The following DPH7 variants were observed in gnomAD, a reference collection of about 807,000 sequenced individuals.
The protein encoded by DPH7 is diphthamide biosynthesis 7, also known as diphthine methyltransferase.
A neutral mutation model predicts 41.7 loss-of-function variants in DPH7; 44 were observed. The ratio of observed to expected loss-of-function variants is 1.05; its 90% CI spans 0.83 to 1.36. The LOEUF (loss-of-function observed/expected upper bound fraction) is 1.36, where lower values mean the gene tolerates loss of function less well. Among genes scored for constraint, DPH7 ranks in the 40% most tolerant of loss-of-function variants. The pLI, the probability that DPH7 is intolerant of heterozygous loss-of-function variation, is 0.00. For synonymous variants in DPH7, 275 were observed against 238.0 expected, an observed-to-expected ratio of 1.16 and a Z score of -1.43; for missense variants, 629 against 577.5, an observed-to-expected ratio of 1.09 and a Z score of -0.91.
Position 137,578,670 on chromosome 9 carries a change from G to A in DPH7, c.108C>T (p.Tyr36=). ...GCRHLLACGT[Y]QLRRPEDRPA... is the part of the protein sequence containing the mutation. ...GCCGGTCCTCCGGCCGCCGCAGCTGGTAGGTCCCGCACGCCAGCAGGTGCC... is the reference window on the plus strand; with the variant it reads ...GCCGGTCCTCCGGCCGCCGCAGCTGATAGGTCCCGCACGCCAGCAGGTGCC... The change falls in exon 1 of 9, where the codon TAC becomes TAT. Residue 36 remains tyrosine, a synonymous_variant. Transcript: ENST00000277540. 6.5e-7 allele frequency: 1 copy of A among 1,526,934 alleles called. No homozygotes were observed. Among genetic ancestry groups the A allele is most frequent in the Non-Finnish European group, 8.8e-7 (1 of 1,139,076 alleles). 94.6% of individuals were successfully genotyped at this position (1,526,934 alleles called of 1,614,324 possible).
At chr9:137,576,868 C>T (rs1292960598) in intron 2 of DPH7, among the ~76,000 whole-genome samples, 1 of 149,312 alleles carries the variant, frequency 6.7e-6, no homozygotes, top group Non-Finnish European at 1.5e-5. Context: ...CTAGCCCGGG[C>T]GACAGAGCGA....
Position 137,578,911 on chromosome 9 carries a change from GC to G in DPH7, c.-135del, listed in dbSNP as rs1183321365. On this transcript the variant is annotated 5_prime_UTR_variant, in exon 1 of 9. Transcript: ENST00000277540. ...CCCAGGGACACCGTCAGCGCGGGCCGCCTCTCTCGCGACTCCTTCCGGGGTG... is the reference window on the plus strand; with the variant it reads ...CCCAGGGACACCGTCAGCGCGGGCCGCTCTCTCGCGACTCCTTCCGGGGTG... 2.0e-6 allele frequency: 2 copies of G among 981,818 alleles called. No individual in the cohort carries two copies. Among genetic ancestry groups the G allele is most frequent in the Non-Finnish European group, 2.7e-6 (2 of 752,666 alleles). 60.8% of individuals were successfully genotyped at this position (981,818 alleles called of 1,614,324 possible).
Position 137,555,593 on chromosome 9 carries a change from C to T in DPH7, c.1005G>A (p.Val335=). 6.2e-7 allele frequency: 1 copy of T among 1,613,030 alleles called. No homozygotes were observed. Among genetic ancestry groups the T allele is most frequent in the Non-Finnish European group, 8.5e-7 (1 of 1,179,444 alleles). ...LTSHTLPDSL[V]YGADWSWLLF... is the part of the protein sequence containing the mutation. Reference sequence around the variant, plus strand: ...GCAGCCAGGACCAGTCGGCTCCATACACCAGCGAGTCGGGCAATGTGTGAG... The same window carrying T: ...GCAGCCAGGACCAGTCGGCTCCATATACCAGCGAGTCGGGCAATGTGTGAG... Residue 335 remains valine, a synonymous_variant, in exon 9 of 9, where the codon GTG becomes GTA. Transcript: ENST00000277540.
At chr9:137,562,106 T>C (rs899392372) in intron 8 of DPH7, among the ~76,000 whole-genome samples, 5 of 152,172 alleles carry the variant, frequency 3.3e-5, no homozygotes, top group Non-Finnish European at 5.9e-5. Context: ...CCTTGTGATC[T>C]GCCCACCTCA....
At chr9:137,561,032 A>AG (rs1838472127) in intron 8 of DPH7, among the ~76,000 whole-genome samples, 8 of 150,924 alleles carry the variant, frequency 5.3e-5, no homozygotes, top group Admixed American at 1.3e-4. Context: ...AAAAAAAAAA[A>AG]AAAAAAAAAG....
intron 8 of DPH7, among the ~76,000 whole-genome samples, chr9:137,564,098 G>T (rs1034244000): frequency 6.6e-6 from 1 of 152,158 alleles, no homozygotes; most frequent in Admixed American, 6.5e-5. Flanking sequence ...GAAGAGCATG[G>T]GAGAGCACAG....
chr9:137,572,554 C>T (rs1239868423), intron 5 of DPH7, among the ~76,000 whole-genome samples: 1 of 152,178 alleles, frequency 6.6e-6, no homozygotes, highest in Non-Finnish European at 1.5e-5. Context: ...GAGACAGTGG[C>T]CCGGATGGGT....
rs1290949162 is a variant in DPH7, at chr9:137,577,871, A to G, written c.154-268T>C. 5.0e-6 allele frequency: 4 copies of G among 797,162 alleles called. No homozygotes were observed. In the East Asian group the frequency reaches 3.8e-4, roughly 75 times the overall value. The allele number at this position is 797,162 out of a possible 1,614,324, so 49.4% of individuals were successfully genotyped here. ...AACCACAGAACCCAGTTTGCCTGGG[A>G]CAGTCCTGACTTACGCCTGTTGTTC... On this transcript the variant is annotated intron_variant, in intron 1 of 8. Coordinates refer to ENST00000277540, the MANE Select transcript of DPH7 (RefSeq NM_138778.5).
At chr9:137,563,990 C>T (rs1839092422) in intron 8 of DPH7, among the ~76,000 whole-genome samples, 1 of 152,188 alleles carries the variant, frequency 6.6e-6, no homozygotes, top group African/African-American at 2.4e-5. Context: ...AACAAAACAA[C>T]ACTGGGTTCT....
At chr9:137,557,908 G>A (rs1307676260) in intron 8 of DPH7, among the ~76,000 whole-genome samples, 1 of 152,212 alleles carries the variant, frequency 6.6e-6, no homozygotes, top group African/African-American at 2.4e-5. Flanking sequence ...GCCGAGGCGG[G>A]TTGATCACCT....
intron 8 of DPH7, among the ~76,000 whole-genome samples, chr9:137,563,394 T>C (rs1838959570): frequency 1.3e-5 from 2 of 151,466 alleles, no homozygotes; most frequent in Admixed American, 6.6e-5. Context: ...CAGCCAGGCA[T>C]GGTGGTGGGT....
Position 137,578,688 on chromosome 9 carries a change from C to G in DPH7, c.90G>C (p.Leu30=). 1 of 1,529,434 alleles carries G rather than the reference C, an allele frequency of 6.5e-7. No homozygotes were observed. Among genetic ancestry groups the G allele is most frequent in the South Asian group, 1.2e-5 (1 of 82,234 alleles). 94.7% of individuals were successfully genotyped at this position (1,529,434 alleles called of 1,614,324 possible). The change falls in exon 1 of 9, where the codon CTG becomes CTC. Residue 30 remains leucine, a synonymous_variant. Transcript: ENST00000277540. Reference sequence around the variant, plus strand: ...GCAGCTGGTAGGTCCCGCACGCCAGCAGGTGCCTGCAGCCTTGCAGCGGGC... The same window carrying G: ...GCAGCTGGTAGGTCCCGCACGCCAGGAGGTGCCTGCAGCCTTGCAGCGGGC... The part of the protein sequence containing the change: ...EWCPLQGCRH[L]LACGTYQLRR...
At position 137,556,127 on chromosome 9, in the gene DPH7, T is replaced by C. The variant is rs1564396778; in HGVS notation, c.950-479A>G. Among the ~76,000 whole-genome samples, 2 of 152,120 alleles carry C rather than the reference T, an allele frequency of 1.3e-5. No individual in the cohort carries two copies. Among genetic ancestry groups the C allele is most frequent in the African/African-American group, 4.8e-5 (2 of 41,416 alleles). On this transcript the variant is annotated intron_variant, in intron 8 of 8. Coordinates refer to ENST00000277540, the MANE Select transcript of DPH7 (RefSeq NM_138778.5). This position sits in a 1 kb window ranked among gnomAD's most constrained non-coding sequence, Gnocchi z 5.2. ...ACAGTGGGCTGGAGCGTCCCAAGCA[T>C]GCAGGGTCCGGCACGCCCTGTTTCA...
chr9:137,569,719 G>C (rs1369212256), intron 5 of DPH7, among the ~76,000 whole-genome samples: 1 of 95,490 alleles, frequency 1.0e-5, no homozygotes, highest in African/African-American at 4.3e-5. Flanking sequence ...ATCCACCCAT[G>C]ATCCATCCAT....
intron 8 of DPH7, among the ~76,000 whole-genome samples, chr9:137,558,847 G>A (rs1466140007): frequency 6.6e-6 from 1 of 152,096 alleles, no homozygotes; most frequent in Non-Finnish European, 1.5e-5. Flanking sequence ...CGATTCTCCT[G>A]ACTCAGCCTC....
chr9:137,568,894 A>C (rs1398354783), intron 5 of DPH7, among the ~76,000 whole-genome samples: 1 of 152,120 alleles, frequency 6.6e-6, no homozygotes, highest in East Asian at 1.9e-4. Flanking sequence ...CTGGCTTCTA[A>C]GAAGAAGAGT....
intron 4 of DPH7, 175 bp from the exon 5 acceptor site, chr9:137,574,555 G>A (rs146479674): frequency 2.5e-5 from 21 of 835,136 alleles, no homozygotes; most frequent in African/African-American, 2.2e-4. Context: ...CACCAGTGTC[G>A]ACTTCTCTAG....
chr9:137,574,484 C>A, intron 4 of DPH7, 104 bp from the exon 5 acceptor site: 1 of 1,216,904 alleles, frequency 8.2e-7, no homozygotes. Context: ...CCCTGGGATG[C>A]GGATATGCCC....
Position 137,564,491 on chromosome 9 carries a change from G to A in DPH7, c.892C>T (p.Leu298Phe), listed in dbSNP as rs118104169. ...IKWHPFHHHL[L>F]LAACMHSGFK... ...CCACTGTGCATGCAGGCGGCCAGGA[G>A]CAGGTGGTGGTGGAAAGGGTGCCAC... The change falls in exon 8 of 9, where the codon CTC becomes TTC. Residue 298 changes from leucine (L) to phenylalanine (F), a missense_variant. Physicochemically the swap from Leu to Phe is conservative, Grantham distance 22. Coordinates refer to ENST00000277540, the MANE Select transcript of DPH7 (RefSeq NM_138778.5). 1.7e-4 allele frequency: 270 copies of A among 1,614,170 alleles called. 1 individual carries two copies. In the East Asian group the frequency reaches 5.7e-3, roughly 34 times the overall value.
Sources: allele counts gnomAD v4.1 joint callset (sites outside exome capture counted in the v4.1 genomes callset), GRCh38; gene constraint gnomAD v4.1.1; non-coding constraint Gnocchi (gnomAD v3.1); transcripts MANE v1.5; gene names NCBI Gene and HGNC (gene_info 2026-07-23, HGNC 2026-07-21).